CSMD1: variants seen among roughly 807,000 people sequenced by gnomAD.
The protein encoded by CSMD1 is CUB and Sushi multiple domains 1.
A neutral mutation model predicts 417.5 loss-of-function variants in CSMD1; 213 were observed. That is an observed-to-expected ratio of 0.51 (90% confidence interval 0.46 to 0.57). The LOEUF (loss-of-function observed/expected upper bound fraction) is 0.57, where lower values mean the gene tolerates loss of function less well. CSMD1 is among the 20% of genes least tolerant of loss of function. The pLI is 0.00. For missense variants in CSMD1, 6,923 were observed against 4,529.7 expected (o/e 1.53, Z -15.17); for synonymous variants, 2,862 against 1,736.8 (o/e 1.65, Z -16.11).
intron 3 of CSMD1, among the ~76,000 whole-genome samples, chr8:4,212,426 C>G (rs1272166818): frequency 1.3e-5 from 2 of 152,044 alleles, no homozygotes; most frequent in Non-Finnish European, 2.9e-5. Flanking sequence ...ATTAACGTCC[C>G]AGGTAGTTCA....
intron 5 of CSMD1, among the ~76,000 whole-genome samples, chr8:3,991,445 T>C (rs1046031899): frequency 1.3e-5 from 2 of 152,182 alleles, no homozygotes; most frequent in Non-Finnish European, 2.9e-5. Flanking sequence ...CATCAGCTTG[T>C]CATTCATGTG....
At chr8:3,611,891 A>T (rs1801911352) in intron 8 of CSMD1, among the ~76,000 whole-genome samples, 1 of 152,240 alleles carries the variant, frequency 6.6e-6, no homozygotes, top group African/African-American at 2.4e-5. Flanking sequence ...GAAAATAAAA[A>T]ATGTTTATTT....
intron 7 of CSMD1, among the ~76,000 whole-genome samples, chr8:3,708,034 A>G (rs1020357039): frequency 6.6e-6 from 1 of 152,206 alleles, no homozygotes; most frequent in Non-Finnish European, 1.5e-5. Flanking sequence ...ATTTCAATAG[A>G]CAAAAGACAA....
At chr8:3,718,178 C>T (rs897523802) in intron 6 of CSMD1, among the ~76,000 whole-genome samples, 2 of 152,100 alleles carry the variant, frequency 1.3e-5, no homozygotes, top group African/African-American at 2.4e-5. Context: ...TTACGAGAAG[C>T]GAGTTGTTAG....
chr8:3,385,784 C>G (rs567205266), intron 18 of CSMD1, among the ~76,000 whole-genome samples: 1 of 152,078 alleles, frequency 6.6e-6, no homozygotes, highest in East Asian at 1.9e-4. Context: ...TTAGGCATAA[C>G]TACTGTTCAC....
chr8:4,427,328 G>A (rs1297169956), intron 2 of CSMD1, among the ~76,000 whole-genome samples: 1 of 152,138 alleles, frequency 6.6e-6, no homozygotes, highest in Admixed American at 6.6e-5. Context: ...GATGCAGTGA[G>A]TTACATGTCA....
At chr8:4,249,381 T>G (rs1375184991) in intron 3 of CSMD1, among the ~76,000 whole-genome samples, 1 of 152,216 alleles carries the variant, frequency 6.6e-6, no homozygotes, top group Admixed American at 6.5e-5. Context: ...TGTAGCATAT[T>G]CCACAGAAAA....
intron 5 of CSMD1, among the ~76,000 whole-genome samples, chr8:3,767,966 G>A (rs1483150793): frequency 6.6e-6 from 1 of 152,160 alleles, no homozygotes; most frequent in African/African-American, 2.4e-5. Flanking sequence ...GTCATGGGAT[G>A]CTGAACTTTT....
intron 33 of CSMD1, among the ~76,000 whole-genome samples, chr8:3,196,958 C>G (rs1005186209): frequency 6.6e-6 from 1 of 152,192 alleles, no homozygotes; most frequent in Non-Finnish European, 1.5e-5. Flanking sequence ...CTGGCCACAG[C>G]CTTCTCTGGG....
intron 3 of CSMD1, among the ~76,000 whole-genome samples, chr8:4,204,879 C>G (rs1244098494): frequency 3.3e-5 from 5 of 152,084 alleles, no homozygotes; most frequent in East Asian, 1.9e-4. Context: ...CAGGCTGGTC[C>G]TGAACTCCTG....
At chr8:4,639,824 T>C (rs983758736) in intron 1 of CSMD1, among the ~76,000 whole-genome samples, 34 of 152,296 alleles carry the variant, frequency 2.2e-4, no homozygotes, top group African/African-American at 7.2e-4. Flanking sequence ...AATAAAAAGA[T>C]TTAATGAAAG....
rs188176354 is a variant in CSMD1, at chr8:4,142,910, T to C, written c.416-110811A>G. 1.1e-4 allele frequency among the ~76,000 whole-genome samples: 16 copies of C among 151,202 alleles called. 1 individual carries two copies. The East Asian group carries it at 2.9e-3, about 27-fold the overall frequency. On this transcript the variant is annotated intron_variant, in intron 3 of 69. Coordinates refer to ENST00000635120, the MANE Select transcript of CSMD1 (RefSeq NM_033225.6). Reference sequence around the variant, plus strand: ...GCTGACAACACAATAGGAGAAATTATTTTTAGGTCATATGTTGAAGTATTT... The same window carrying C: ...GCTGACAACACAATAGGAGAAATTACTTTTAGGTCATATGTTGAAGTATTT...
At chr8:3,750,464 T>C (rs1050840804) in intron 6 of CSMD1, among the ~76,000 whole-genome samples, 5 of 152,032 alleles carry the variant, frequency 3.3e-5, no homozygotes, top group Admixed American at 6.6e-5. Flanking sequence ...ATAATTATTA[T>C]TGTTGTCTTA....
chr8:3,709,689 T>TGC lies in CSMD1; in HGVS notation c.932-1199_932-1198insGC, dbSNP rs1277902529. On this transcript the variant is annotated intron_variant, in intron 6 of 69. Transcript: ENST00000635120. ...TAAATTGCAGCAGCATGTTTTTTTTTTTTTTTTTTTTTTTTTTTTTCCCTG... is the reference window on the plus strand; with the variant it reads ...TAAATTGCAGCAGCATGTTTTTTTTTGCTTTTTTTTTTTTTTTTTTTTCCCTG... 9.6e-4 allele frequency among the ~76,000 whole-genome samples: 113 copies of TGC among 117,732 alleles called. 9 individuals carry two copies. Among genetic ancestry groups the TGC allele is most frequent in the Middle Eastern group, 4.8e-3 (1 of 208 alleles). The allele number at this position is 117,732 out of a possible 152,430, so 77.2% of individuals were successfully genotyped here.
At chr8:3,485,389 G>C (rs1023681529) in intron 11 of CSMD1, among the ~76,000 whole-genome samples, 3 of 152,082 alleles carry the variant, frequency 2.0e-5, no homozygotes, top group Non-Finnish European at 4.4e-5. Context: ...TCAGCTTTAA[G>C]TGTAGAAAAC....
intron 3 of CSMD1, among the ~76,000 whole-genome samples, chr8:4,078,004 GA>G (rs1377374764): frequency 6.6e-6 from 1 of 151,962 alleles, no homozygotes; most frequent in African/African-American, 2.4e-5. Flanking sequence ...CTCTCAGTTG[GA>G]AAAAAATAGC....
intron 8 of CSMD1, among the ~76,000 whole-genome samples, chr8:3,613,450 T>C (rs868264941): frequency 2.6e-5 from 4 of 152,040 alleles, no homozygotes; most frequent in Admixed American, 6.6e-5. Context: ...AAAGTCTTTA[T>C]AAGAAAAGTC....
intron 2 of CSMD1, among the ~76,000 whole-genome samples, chr8:4,611,411 T>G (rs956644218): frequency 1.3e-5 from 2 of 152,236 alleles, no homozygotes; most frequent in East Asian, 3.9e-4. Context: ...CTTGATTGTT[T>G]AATGTTTTAA....
At chr8:4,269,005 G>A (rs529093703) in intron 3 of CSMD1, among the ~76,000 whole-genome samples, 1 of 152,080 alleles carries the variant, frequency 6.6e-6, no homozygotes, top group African/African-American at 2.4e-5. Context: ...TTTCCTGATT[G>A]CAAAGTAAAA....
Sources: gnomAD v4.1 joint callset for allele counts (sites outside exome capture counted in the v4.1 genomes callset) on GRCh38, gnomAD v4.1.1 for gene constraint, MANE v1.5 for transcripts, NCBI Gene and HGNC (gene_info 2026-07-23, HGNC 2026-07-21) for gene names.